NPSR1: variants seen among roughly 807,000 people sequenced by gnomAD.
NPSR1 encodes the protein neuropeptide S receptor.
A neutral mutation model predicts 46.9 loss-of-function variants in NPSR1; 48 were observed. The observed-to-expected ratio is 1.02, with a 90% CI of 0.81 to 1.30. The LOEUF (loss-of-function observed/expected upper bound fraction) is 1.30. Ranked by LOEUF, NPSR1 falls within the 50% of genes most tolerant of loss-of-function variation. NPSR1 has a pLI of 0.00. For synonymous variants in NPSR1, 176 were observed against 168.1 expected, an observed-to-expected ratio of 1.05 and a Z score of -0.36; for missense variants, 450 against 449.5, an observed-to-expected ratio of 1.00 and a Z score of -0.01.
chr7:34,757,303 G>T (rs1390895220), intron 2 of NPSR1, among the ~76,000 whole-genome samples: 2 of 152,144 alleles, frequency 1.3e-5, no homozygotes, highest in African/African-American at 2.4e-5. Context: ...ATTACTTTTA[G>T]TAGCAAAAAC....
chr7:34,797,370 C>A (rs978449650), intron 3 of NPSR1, among the ~76,000 whole-genome samples: 85 of 152,270 alleles, frequency 5.6e-4, no homozygotes, highest in African/African-American at 1.8e-3. Flanking sequence ...TCCACTGTAA[C>A]AAATATACCA....
intron 1 of NPSR1, among the ~76,000 whole-genome samples, chr7:34,667,350 AG>A (rs1299386797): frequency 6.6e-6 from 1 of 152,198 alleles, no homozygotes; most frequent in Non-Finnish European, 1.5e-5. Context: ...GACAGGAGAA[AG>A]GGGGGTAGTC....
At chr7:34,791,926 A>ATGCCAAAAATAAACAGTGG (rs1173018577) in intron 3 of NPSR1, among the ~76,000 whole-genome samples, 1 of 152,162 alleles carries the variant, frequency 6.6e-6, no homozygotes, top group Non-Finnish European at 1.5e-5. Context: ...TTCAACAGTG[A>ATGCCAAAAATAAACAGTGG]TGCCAAAAAT....
At chr7:34,823,288 A>T (rs1481089354) in intron 4 of NPSR1, among the ~76,000 whole-genome samples, 1 of 151,026 alleles carries the variant, frequency 6.6e-6, no homozygotes, top group Non-Finnish European at 1.5e-5. Context: ...GCTACTCAAG[A>T]GGCTGAGGCA....
intron 1 of NPSR1, among the ~76,000 whole-genome samples, chr7:34,659,412 GTTGTTGCT>G (rs1791344033): frequency 6.6e-6 from 1 of 152,136 alleles, no homozygotes; most frequent in Admixed American, 6.5e-5. Context: ...AAAGATTCTA[GTTGTTGCT>G]TTGTTGGGTT....
At chr7:34,665,259 A>T (rs1791678995) in intron 1 of NPSR1, among the ~76,000 whole-genome samples, 1 of 152,322 alleles carries the variant, frequency 6.6e-6, no homozygotes, top group East Asian at 1.9e-4. Context: ...AGTAGCAAAC[A>T]GGTCAACTTG....
At position 34,790,995 on chromosome 7, in the gene NPSR1, T is replaced by TTATATGTTATATGTTATATTA. The variant is rs1562730380; in HGVS notation, c.384+12450_384+12470dup. 3.9e-4 allele frequency among the ~76,000 whole-genome samples: 41 copies of TTATATGTTATATGTTATATTA among 104,048 alleles called. 2 individuals are homozygous for TTATATGTTATATGTTATATTA. The highest frequency in any genetic ancestry group is 1.3e-3 in the African/African-American group (29 of 22,604). The allele number at this position is 104,048 out of a possible 152,430, so 68.3% of individuals were successfully genotyped here. A position where few individuals can be genotyped will look rare whatever the true frequency, so the allele number is the denominator to read the frequency against. The stretch of plus-strand genomic sequence containing the variant: ...TATGTTATATGTTATATTATATATG[T>TTATATGTTATATGTTATATTA]TATATGTTATATGTTATATTATATA... On this transcript the variant is annotated intron_variant, in intron 3 of 8. Transcript: ENST00000360581.
At chr7:34,834,302 G>A in intron 5 of NPSR1, 82 bp from the exon 6 acceptor site, 2 of 977,210 alleles carry the variant, frequency 2.0e-6, no homozygotes, top group Non-Finnish European at 3.3e-6. Flanking sequence ...CTTGCACTCG[G>A]GGAGGTGGGA....
intron 2 of NPSR1, among the ~76,000 whole-genome samples, chr7:34,763,835 A>G (rs997728719): frequency 1.3e-5 from 2 of 152,222 alleles, no homozygotes; most frequent in African/African-American, 4.8e-5. Flanking sequence ...CACCCTGACT[A>G]ACTAAACTCC....
intron 8 of NPSR1, among the ~76,000 whole-genome samples, chr7:34,857,464 G>T (rs1562775523): frequency 6.6e-6 from 1 of 151,740 alleles, no homozygotes; most frequent in Non-Finnish European, 1.5e-5. Context: ...CCCACATATA[G>T]GTAAACGATT....
chr7:34,722,424 G>T (rs1334202955), intron 2 of NPSR1, among the ~76,000 whole-genome samples: 4 of 152,168 alleles, frequency 2.6e-5, no homozygotes, highest in African/African-American at 9.7e-5. Flanking sequence ...AGAAATCTCT[G>T]CAGCTAAATG....
At chr7:34,664,422 G>T (rs1791633473) in intron 1 of NPSR1, among the ~76,000 whole-genome samples, 1 of 152,122 alleles carries the variant, frequency 6.6e-6, no homozygotes, top group Admixed American at 6.5e-5. Flanking sequence ...CATAATTAGA[G>T]TCCCAGGAAT....
In NPSR1 at chr7:34,849,809, C is replaced by T; in HGVS notation, c.*154C>T. On this transcript the variant is annotated 3_prime_UTR_variant, in exon 9 of 9. Coordinates refer to ENST00000360581, the MANE Select transcript of NPSR1 (RefSeq NM_207172.2). ...AGACAAATGTTCTAATGACTGCATG[C>T]ACTGCTTAAGTATTGGCCAACACGA... 1 of 1,443,816 alleles carries T rather than the reference C, an allele frequency of 6.9e-7. No homozygotes were observed. The highest frequency in any genetic ancestry group is 9.1e-7 in the Non-Finnish European group (1 of 1,099,758). 89.4% of individuals were successfully genotyped at this position (1,443,816 alleles called of 1,614,324 possible). A position where few individuals can be genotyped will look rare whatever the true frequency, so the allele number is the denominator to read the frequency against.
At chr7:34,797,735 T>C (rs1243958292) in intron 3 of NPSR1, among the ~76,000 whole-genome samples, 2 of 152,144 alleles carry the variant, frequency 1.3e-5, no homozygotes, top group African/African-American at 4.8e-5. Flanking sequence ...GCATATCATA[T>C]TCAAACTGCA....
intron 3 of NPSR1, among the ~76,000 whole-genome samples, chr7:34,790,777 T>TTA (rs560996024): frequency 2.4e-5 from 3 of 125,100 alleles, no homozygotes; most frequent in African/African-American, 2.8e-5. Flanking sequence ...ATAATATATG[T>TTA]TATATGTTAT....
chr7:34,707,341 A>G (rs1794161035), intron 2 of NPSR1, among the ~76,000 whole-genome samples: 1 of 152,198 alleles, frequency 6.6e-6, no homozygotes, highest in South Asian at 2.1e-4. Context: ...TGCTGTAATG[A>G]GTGTCAGTCA....
In NPSR1 at chr7:34,720,409, C is replaced by T. The variant is rs749906844; in HGVS notation, c.280+35725C>T. Among the ~76,000 whole-genome samples the T allele has an allele frequency of 5.9e-5, 9 of 152,200 alleles. No homozygotes were observed. In the South Asian group the frequency reaches 1.9e-3, roughly 32 times the overall value. On this transcript the variant is annotated intron_variant, in intron 2 of 8. Transcript: ENST00000360581. ...GGCTGTGAGGCAAGCAGAATGTGGA[C>T]TCTATACCAGTCTCCACTTTCTGGA...
chr7:34,700,483 A>C (rs900371318), intron 2 of NPSR1, among the ~76,000 whole-genome samples: 1 of 152,198 alleles, frequency 6.6e-6, no homozygotes, highest in Non-Finnish European at 1.5e-5. Context: ...TTTTCAGAGA[A>C]GACATACAAA....
At chr7:34,789,739 G>GAAAAA (rs1787634438) in intron 3 of NPSR1, among the ~76,000 whole-genome samples, 1 of 35,892 alleles carries the variant, frequency 2.8e-5, no homozygotes, top group African/African-American at 1.5e-4. Context: ...GTTGCAGTGC[G>GAAAAA]CAAAAAAAAA....
Sources: allele counts gnomAD v4.1 joint callset (sites outside exome capture counted in the v4.1 genomes callset), GRCh38; gene constraint gnomAD v4.1.1; transcripts MANE v1.5; gene names NCBI Gene and HGNC (gene_info 2026-07-23, HGNC 2026-07-21).